RTL4: variants seen among roughly 807,000 people sequenced by gnomAD.
RTL4 encodes retrotransposon Gag-like protein 4.
Under a neutral mutation model 5.3 loss-of-function variants are expected in RTL4, and 4 were observed. The ratio of observed to expected loss-of-function variants is 0.75; its 90% CI spans 0.37 to 1.72. The LOEUF (loss-of-function observed/expected upper bound fraction) is 1.72, where lower values mean the gene tolerates loss of function less well. Ranked by LOEUF, RTL4 falls within the 40% of genes most tolerant of loss-of-function variation. The pLI, the probability that RTL4 is intolerant of heterozygous loss-of-function variation, is 0.04. For synonymous variants in RTL4, 98 were observed against 87.3 expected, an observed-to-expected ratio of 1.12 and a Z score of -0.68; for missense variants, 260 against 227.1, an observed-to-expected ratio of 1.14 and a Z score of -0.93.
At chrX:112,282,591 C>T in the RTL4 span, among the ~76,000 whole-genome samples, 12 of 111,790 alleles carry the variant, frequency 1.1e-4, no homozygotes, top group Non-Finnish European at 1.9e-4. Context: ...GTAGTACAGA[C>T]ATTTTAAAAA....
the RTL4 span, among the ~76,000 whole-genome samples, chrX:112,429,547 C>T: frequency 9.1e-6 from 1 of 110,240 alleles, no homozygotes; most frequent in African/African-American, 3.3e-5. Flanking sequence ...ATTTATGTTG[C>T]CATTATTATT....
At chrX:112,257,567 C>A in the RTL4 span, among the ~76,000 whole-genome samples, 1 of 110,313 alleles carries the variant, frequency 9.1e-6, no homozygotes, top group Non-Finnish European at 1.9e-5. Flanking sequence ...AGTCTAAGAC[C>A]AAGATGCCAG....
At chrX:112,452,627 G>A (rs1397506931), upstream of RTL4, among the ~76,000 whole-genome samples, 6 of 111,243 alleles carry the variant, frequency 5.4e-5, no homozygotes, top group South Asian at 3.8e-4. Context: ...CCTCTCCACC[G>A]GGCATTTTTC....
the RTL4 span, chrX:112,320,409 G>C: frequency 9.1e-6 from 1 of 110,419 alleles, no homozygotes; most frequent in Non-Finnish European, 1.9e-5. Context: ...CTTGTTTCTC[G>C]GTGAACATAA....
chrX:112,253,345 C>T, the RTL4 span, among the ~76,000 whole-genome samples: 4 of 112,236 alleles, frequency 3.6e-5, no homozygotes, highest in African/African-American at 1.3e-4. Flanking sequence ...GTGACTTGCC[C>T]ACACAAATGG....
the RTL4 span, among the ~76,000 whole-genome samples, chrX:112,085,965 G>C: frequency 1.8e-5 from 2 of 111,600 alleles, no homozygotes; most frequent in Admixed American, 9.5e-5. Flanking sequence ...CACACTATGA[G>C]TAGGGTATTG....
the RTL4 span, among the ~76,000 whole-genome samples, chrX:112,276,775 A>T: frequency 4.5e-5 from 5 of 112,305 alleles, no homozygotes; most frequent in African/African-American, 1.6e-4. Flanking sequence ...CTGCTAGTGC[A>T]GCTCATCAGT....
the RTL4 span, among the ~76,000 whole-genome samples, chrX:112,245,399 T>C: frequency 9.0e-6 from 1 of 111,686 alleles, no homozygotes; most frequent in Non-Finnish European, 1.9e-5. Context: ...CATTTCTTTT[T>C]ACTCTTTTTT....
chrX:112,138,173 T>C, the RTL4 span, among the ~76,000 whole-genome samples: 158 of 112,485 alleles, frequency 1.4e-3, 3 homozygotes, highest in East Asian at 0.029. Flanking sequence ...ATACTACTTA[T>C]ATGATACTGC....
chrX:112,431,433 C>T, the RTL4 span, among the ~76,000 whole-genome samples: 1 of 111,516 alleles, frequency 9.0e-6, no homozygotes, highest in African/African-American at 3.3e-5. Context: ...GTGGAAGCCC[C>T]ATGACAGAGT....
chrX:112,395,365 A>G, the RTL4 span, among the ~76,000 whole-genome samples: 4 of 110,957 alleles, frequency 3.6e-5, no homozygotes, highest in South Asian at 3.7e-4. Flanking sequence ...ATATTCATCT[A>G]TTTTACTATA....
the RTL4 span, among the ~76,000 whole-genome samples, chrX:112,193,211 C>T: frequency 9.0e-6 from 1 of 111,467 alleles, no homozygotes; most frequent in Admixed American, 9.5e-5. Flanking sequence ...TTGATACATG[C>T]ATAAAATATG....
chrX:112,238,585 G>T, the RTL4 span, among the ~76,000 whole-genome samples: 1 of 111,523 alleles, frequency 9.0e-6, no homozygotes, highest in Non-Finnish European at 1.9e-5. Flanking sequence ...AAAAATCTAT[G>T]GATTTAATGA....
chrX:112,117,275 T>C, the RTL4 span, among the ~76,000 whole-genome samples: 1 of 108,626 alleles, frequency 9.2e-6, no homozygotes, highest in South Asian at 4.1e-4. Context: ...ATAATCGTTA[T>C]ATGGTAAATA....
the RTL4 span, among the ~76,000 whole-genome samples, chrX:112,138,949 G>GT: frequency 1.8e-5 from 2 of 111,328 alleles, no homozygotes; most frequent in Admixed American, 1.9e-4. Context: ...AATAATGTCT[G>GT]TTTATTGTTT....
the RTL4 span, among the ~76,000 whole-genome samples, chrX:112,230,428 A>C: frequency 1.8e-5 from 2 of 111,461 alleles, no homozygotes; most frequent in African/African-American, 6.5e-5. Flanking sequence ...GCCGTCTGTC[A>C]CCCCTTTCTT....
the RTL4 span, among the ~76,000 whole-genome samples, chrX:112,286,729 C>T: frequency 8.0e-5 from 9 of 111,811 alleles, no homozygotes; most frequent in Non-Finnish European, 1.7e-4. Context: ...TTCAACCCTA[C>T]AGCCAATCCA....
chrX:112,089,939 T>C, the RTL4 span, among the ~76,000 whole-genome samples: 1 of 111,862 alleles, frequency 8.9e-6, no homozygotes, highest in Admixed American at 9.5e-5. Flanking sequence ...TTTGTAGTTT[T>C]CAGTGTGGAA....
the RTL4 span, among the ~76,000 whole-genome samples, chrX:112,344,364 A>G: frequency 8.9e-6 from 1 of 112,327 alleles, no homozygotes; most frequent in South Asian, 3.7e-4. Context: ...TTATAAAGAA[A>G]AGAGGTTTAA....
Sources: allele counts gnomAD v4.1 joint callset (sites outside exome capture counted in the v4.1 genomes callset), GRCh38; gene constraint gnomAD v4.1.1; transcripts MANE v1.5; gene names NCBI Gene and HGNC (gene_info 2026-07-23, HGNC 2026-07-21).